LARS2: variants seen among roughly 807,000 people sequenced by gnomAD.
LARS2 encodes leucine--tRNA ligase, mitochondrial.
In LARS2, 81 loss-of-function variants were observed where a neutral mutation model predicts 116.6. That is an observed-to-expected ratio of 0.69 (90% confidence interval 0.58 to 0.84). The LOEUF is 0.84. Among genes scored for constraint, LARS2 ranks in the 40% least tolerant of loss-of-function variants. LARS2 has a pLI of 0.00. For synonymous variants in LARS2, 396 were observed against 407.2 expected (o/e 0.97, Z 0.33); for missense variants, 968 against 1,114.5 (o/e 0.87, Z 1.87).
chr3:45,484,158 A>T (rs1169558339), intron 10 of LARS2: 3 of 152,082 alleles, frequency 2.0e-5, no homozygotes, highest in Non-Finnish European at 4.4e-5. Flanking sequence ...TAAATATCTT[A>T]AAAATAATTT....
intron 4 of LARS2, among the ~76,000 whole-genome samples, chr3:45,406,312 A>C (rs1698230723): frequency 6.6e-6 from 1 of 152,166 alleles, no homozygotes; most frequent in Admixed American, 6.5e-5. Flanking sequence ...CTAAAAAGGC[A>C]GGTTGCGATA....
At chr3:45,472,376 C>T (rs1012656770) in intron 8 of LARS2, among the ~76,000 whole-genome samples, 3 of 152,026 alleles carry the variant, frequency 2.0e-5, no homozygotes, top group East Asian at 1.9e-4. Context: ...CCCTTTCAAG[C>T]GAGTAATGAA....
intron 15 of LARS2, chr3:45,509,500 G>C (rs950092856): frequency 2.6e-5 from 4 of 152,056 alleles, no homozygotes; most frequent in Admixed American, 2.0e-4. Flanking sequence ...CATTTGGTAC[G>C]TCTTTCTTGT....
rs1214818871 is a variant in LARS2 at position 45,394,649 on chromosome 3, C to T, written c.196C>T (p.Arg66Ter). ...RKDVEKWWHQRIKEQASKISE... is the reference protein window; with the variant it reads ...RKDVEKWWHQ The stretch of plus-strand genomic sequence containing the variant: ...GGATGTTGAGAAATGGTGGCATCAA[C>T]GAATAAAAGAACAGGCCTCCAAAAT... The change falls in exon 3 of 22, where the codon CGA becomes TGA. Residue 66 changes from arginine to a stop codon, truncating the protein, a stop_gained. Transcript: ENST00000645846. LOFTEE classifies it high-confidence loss of function. 14 of 1,613,900 alleles carry T rather than the reference C, an allele frequency of 8.7e-6. No individual in the cohort carries two copies. Among genetic ancestry groups the T allele is most frequent in the East Asian group, 4.5e-5 (2 of 44,878 alleles).
intron 13 of LARS2, among the ~76,000 whole-genome samples, chr3:45,492,515 A>T (rs1353784250): frequency 6.6e-6 from 1 of 152,224 alleles, no homozygotes; most frequent in African/African-American, 2.4e-5. Context: ...TTCTGCCAGT[A>T]TAGAGCTGAG....
chr3:45,507,065 A>T (rs1700210832), intron 15 of LARS2: 1 of 152,050 alleles, frequency 6.6e-6, no homozygotes, highest in African/African-American at 2.4e-5. Flanking sequence ...ATTAATAAAC[A>T]TTTTATCACA....
chr3:45,509,408 C>T (rs1458389506), intron 15 of LARS2: 1 of 152,086 alleles, frequency 6.6e-6, no homozygotes, highest in Non-Finnish European at 1.5e-5. Flanking sequence ...GATCTCTGCT[C>T]CAGCAGGCCT....
At chr3:45,449,869 G>A (rs1276317586) in intron 7 of LARS2, among the ~76,000 whole-genome samples, 2 of 152,158 alleles carry the variant, frequency 1.3e-5, no homozygotes, top group Non-Finnish European at 2.9e-5. Flanking sequence ...ATTACTAAAC[G>A]TAGCTGGAGT....
At chr3:45,524,131 G>T (rs1575312986) in intron 20 of LARS2, 23 bp downstream of exon 20, 1 of 1,462,700 alleles carries the variant, frequency 6.8e-7, no homozygotes, top group Non-Finnish European at 9.6e-7. Flanking sequence ...GTCCTTTTTT[G>T]ACCAGTTACT....
intron 4 of LARS2, among the ~76,000 whole-genome samples, chr3:45,417,073 C>CAAAAAAAAAAAAAAAAAAAAAAAAAAA (rs1172623065): frequency 1.5e-5 from 1 of 67,698 alleles, no homozygotes; most frequent in Non-Finnish European, 3.5e-5. Flanking sequence ...GACTCTGTCT[C>CAAAAAAAAAAAAAAAAAAAAAAAAAAA]AAAAAAAAAA....
intron 7 of LARS2, among the ~76,000 whole-genome samples, chr3:45,450,426 C>A (rs1037737234): frequency 2.6e-5 from 4 of 152,240 alleles, no homozygotes; most frequent in South Asian, 4.2e-4. Context: ...CCAGCAGCCA[C>A]CATTCTACAC....
chr3:45,423,525 C>T (rs1698547284), intron 6 of LARS2, among the ~76,000 whole-genome samples: 1 of 152,266 alleles, frequency 6.6e-6, no homozygotes, highest in South Asian at 2.1e-4. Flanking sequence ...GTTGTCCAGA[C>T]TGGTCTCAAA....
At chr3:45,523,901 A>G (rs956704057) in intron 19 of LARS2, 96 bp from the exon 20 acceptor site, 3 of 858,514 alleles carry the variant, frequency 3.5e-6, no homozygotes, top group Non-Finnish European at 5.8e-6. Context: ...TCTTCCTACC[A>G]GCTTGTGTCT....
In LARS2 at chr3:45,400,341, A is replaced by G. The variant is rs756093994; in HGVS notation, c.331A>G (p.Ile111Val). Residue 111 changes from isoleucine to valine, a missense_variant, in exon 4 of 22, where the codon ATA becomes GTA. By Grantham distance (29) the Ile-to-Val change is conservative. Coordinates refer to ENST00000645846, the MANE Select transcript of LARS2 (RefSeq NM_015340.4). ...GCGTGTCTACACCATCAGCGACACC[A>G]TAGCACGGTTCCAGAAGATGAGAGG... ...HVRVYTISDTIARFQKMRGMQ... is the reference protein window; with the variant it reads ...HVRVYTISDTVARFQKMRGMQ... 4 of 1,613,016 alleles carry G rather than the reference A, an allele frequency of 2.5e-6. No individual in the cohort carries two copies. In the Admixed American group the frequency reaches 5.0e-5, roughly 20 times the overall value.
chr3:45,417,206 G>T (rs1698439776), intron 4 of LARS2, among the ~76,000 whole-genome samples: 1 of 152,004 alleles, frequency 6.6e-6, no homozygotes, highest in Non-Finnish European at 1.5e-5. Context: ...AACAATTTGG[G>T]TTCAATATAG....
intron 6 of LARS2, among the ~76,000 whole-genome samples, chr3:45,446,672 T>C (rs1230671861): frequency 6.6e-6 from 1 of 152,264 alleles, no homozygotes; most frequent in East Asian, 1.9e-4. Flanking sequence ...GAGTTTCTCA[T>C]TGAACATGCT....
intron 13 of LARS2, among the ~76,000 whole-genome samples, chr3:45,494,541 C>T (rs1699976445): frequency 6.6e-6 from 1 of 152,170 alleles, no homozygotes; most frequent in African/African-American, 2.4e-5. Context: ...AAGGGAGAGC[C>T]TGCTATGGCT....
chr3:45,518,920 C>T (rs544156495), intron 18 of LARS2, among the ~76,000 whole-genome samples: 4 of 152,246 alleles, frequency 2.6e-5, no homozygotes, highest in Admixed American at 2.0e-4. Context: ...CCTCTGTACC[C>T]TCTCTATGTG....
Position 45,549,132 on chromosome 3 carries a change from T to C in LARS2, c.*1602T>C, listed in dbSNP as rs1350697355. On this transcript the variant is annotated 3_prime_UTR_variant, in exon 22 of 22. Transcript: ENST00000645846. The stretch of plus-strand genomic sequence containing the variant: ...AATTTAATTGGTCCATGGTGTGGCT[T>C]GAACACCAGGAATCTTTAAAACTCC... The C allele has an allele frequency of 1.3e-5, 2 of 152,254 alleles. No homozygotes were observed. Among genetic ancestry groups the C allele is most frequent in the African/African-American group, 4.8e-5 (2 of 41,468 alleles). The allele number at this position is 152,254 out of a possible 1,614,324, so 9.4% of individuals were successfully genotyped here.
Sources: gnomAD v4.1 joint callset for allele counts (sites outside exome capture counted in the v4.1 genomes callset) on GRCh38, gnomAD v4.1.1 for gene constraint, MANE v1.5 for transcripts, NCBI Gene and HGNC (gene_info 2026-07-23, HGNC 2026-07-21) for gene names.